DCUN1D3: variants seen among roughly 807,000 people sequenced by gnomAD.
DCUN1D3 encodes DCN1-like protein 3.
A neutral mutation model predicts 24.8 loss-of-function variants in DCUN1D3; 6 were observed. The observed-to-expected ratio is 0.24, with a 90% confidence interval of 0.13 to 0.48. The LOEUF (loss-of-function observed/expected upper bound fraction) is 0.48, where lower values mean the gene tolerates loss of function less well. DCUN1D3 is among the 20% of genes least tolerant of loss of function. DCUN1D3 has a pLI of 0.99. For synonymous variants in DCUN1D3, 120 were observed against 144.9 expected, an observed-to-expected ratio of 0.83 and a Z score of 1.24; for missense variants, 258 against 379.4, an observed-to-expected ratio of 0.68 and a Z score of 2.66.
intron 1 of DCUN1D3, among the ~76,000 whole-genome samples, chr16:20,882,750 G>A (rs2081850730): frequency 6.6e-6 from 1 of 152,212 alleles, no homozygotes; most frequent in Non-Finnish European, 1.5e-5. Flanking sequence ...CAATCCTAGA[G>A]TCAGTCTTTC....
At chr16:20,889,772 A>G (rs775687563) in intron 1 of DCUN1D3, among the ~76,000 whole-genome samples, 1 of 152,204 alleles carries the variant, frequency 6.6e-6, no homozygotes, top group Non-Finnish European at 1.5e-5. Context: ...TCTGGACCAC[A>G]TGCCAGAGTT....
At chr16:20,880,622 AAAAAAAACAG>A in intron 1 of DCUN1D3, among the ~76,000 whole-genome samples, 1 of 146,544 alleles carries the variant, frequency 6.8e-6, no homozygotes, top group African/African-American at 2.7e-5. Context: ...AAAAAAAAAA[AAAAAAAACAG>A]AAAAAAGAAA....
chr16:20,875,693 G>C (rs2081811353), intron 1 of DCUN1D3, among the ~76,000 whole-genome samples: 1 of 152,164 alleles, frequency 6.6e-6, no homozygotes, highest in African/African-American at 2.4e-5. Context: ...AAACACTGGG[G>C]AAATGATCTA....
chr16:20,878,084 G>A (rs1184321450), intron 1 of DCUN1D3, among the ~76,000 whole-genome samples: 1 of 152,172 alleles, frequency 6.6e-6, no homozygotes, highest in Non-Finnish European at 1.5e-5. Context: ...TTATGGGTGT[G>A]AGCACTGGGC....
In DCUN1D3 at chr16:20,857,547, T is replaced by G. The variant is rs2081708153; in HGVS notation, c.*2339A>C. On this transcript the variant is annotated 3_prime_UTR_variant, in exon 3 of 3. Coordinates refer to ENST00000324344, the MANE Select transcript of DCUN1D3 (RefSeq NM_173475.4). ...AAGAGCAGCCTGGCTTTTCCCTCAG[T>G]CAACCACTACCCAATCCAGAACCGG... The G allele has an allele frequency of 2.0e-5, 3 of 152,230 alleles. No homozygotes were observed. In the South Asian group the frequency reaches 6.2e-4, roughly 31 times the overall value. The allele number at this position is 152,230 out of a possible 1,614,324, so 9.4% of individuals were successfully genotyped here.
intron 1 of DCUN1D3, among the ~76,000 whole-genome samples, chr16:20,867,091 G>A (rs1158042028): frequency 1.3e-5 from 2 of 152,102 alleles, no homozygotes; most frequent in Non-Finnish European, 2.9e-5. Context: ...GCACTTTTGG[G>A]GACATGAACT....
chr16:20,874,903 C>G (rs182343044), intron 1 of DCUN1D3, among the ~76,000 whole-genome samples: 3 of 151,770 alleles, frequency 2.0e-5, no homozygotes, highest in African/African-American at 7.3e-5. Flanking sequence ...CAAAGATAAG[C>G]AGGTAATTAA....
Position 20,862,021 on chromosome 16 carries a change from C to G in DCUN1D3, c.431+87G>C, listed in dbSNP as rs573092923. The G allele has an allele frequency of 2.8e-6, 4 of 1,446,988 alleles. No homozygotes were observed. The East Asian group carries it at 9.1e-5, about 33-fold the overall frequency. The allele number at this position is 1,446,988 out of a possible 1,614,324, so 89.6% of individuals were successfully genotyped here. A position where few individuals can be genotyped will look rare whatever the true frequency, so the allele number is the denominator to read the frequency against. On this transcript the variant is annotated intron_variant, in intron 2 of 2. Coordinates refer to ENST00000324344, the MANE Select transcript of DCUN1D3 (RefSeq NM_173475.4). Reference sequence around the variant, plus strand: ...TACCCAAAACCCTATGAAGCCAACCCAGTCCTATCCTAGCTGGGCACCACT... The same window carrying G: ...TACCCAAAACCCTATGAAGCCAACCGAGTCCTATCCTAGCTGGGCACCACT...
Position 20,859,778 on chromosome 16 carries a change from G to T in DCUN1D3, c.*108C>A. 1.4e-6 allele frequency: 2 copies of T among 1,408,208 alleles called. No homozygotes were observed. The highest frequency in any genetic ancestry group is 9.5e-7 in the Non-Finnish European group (1 of 1,054,880). 87.2% of individuals were successfully genotyped at this position (1,408,208 alleles called of 1,614,324 possible). A position where few individuals can be genotyped will look rare whatever the true frequency, so the allele number is the denominator to read the frequency against. ...TTTCAGATACAAGGCAGAGAAAGGT[G>T]TAAAGTAGAAAATATCCGGATCTTC... On this transcript the variant is annotated 3_prime_UTR_variant, in exon 3 of 3. Transcript: ENST00000324344.
At chr16:20,879,503 GA>G (rs71149188) in intron 1 of DCUN1D3, among the ~76,000 whole-genome samples, 65,120 of 151,620 alleles carry the variant, frequency 0.43, 16,535 homozygotes, top group Non-Finnish European at 0.59. Flanking sequence ...TTTAACAGGA[GA>G]AAAAAAAATC....
At chr16:20,861,068 T>C (rs1289097173) in intron 2 of DCUN1D3, among the ~76,000 whole-genome samples, 1 of 152,138 alleles carries the variant, frequency 6.6e-6, no homozygotes, top group Admixed American at 6.5e-5. Context: ...GGCCTCACAG[T>C]CAGTTCTTAT....
At chr16:20,867,106 T>G (rs2081766084) in intron 1 of DCUN1D3, among the ~76,000 whole-genome samples, 1 of 152,192 alleles carries the variant, frequency 6.6e-6, no homozygotes, top group Non-Finnish European at 1.5e-5. Flanking sequence ...TGAACTCACA[T>G]ATACTCATCA....
intron 1 of DCUN1D3, among the ~76,000 whole-genome samples, chr16:20,885,923 C>A (rs145763758): frequency 1.3e-5 from 2 of 152,208 alleles, no homozygotes; most frequent in African/African-American, 4.8e-5. Context: ...TTTCTCCCAC[C>A]CCAACAGAAC....
intron 1 of DCUN1D3, among the ~76,000 whole-genome samples, chr16:20,887,735 G>A (rs998903466): frequency 1.3e-5 from 2 of 152,164 alleles, no homozygotes; most frequent in African/African-American, 4.8e-5. Context: ...CTTTATCTGA[G>A]ACTCTGTCAA....
intron 1 of DCUN1D3, among the ~76,000 whole-genome samples, chr16:20,876,009 A>T (rs535382379): frequency 6.6e-6 from 1 of 152,294 alleles, no homozygotes; most frequent in South Asian, 2.1e-4. Flanking sequence ...TCTGTCACCC[A>T]CGCTGGAGTG....
chr16:20,890,931 A>T (rs1222656801), intron 1 of DCUN1D3, among the ~76,000 whole-genome samples: 3 of 148,212 alleles, frequency 2.0e-5, no homozygotes, highest in Admixed American at 6.7e-5. Context: ...TTTTTTTTTT[A>T]AAGAAGAAAG....
rs369879037 is a variant in DCUN1D3 at position 20,883,310 on chromosome 16, A to C, written c.-106+16894T>G. ...GACGGATCACGAGGTCAGGAGATCG[A>C]GACCATCCTGGCTAACACGGTGAAA... On this transcript the variant is annotated intron_variant, in intron 1 of 2. Transcript: ENST00000324344. Among the ~76,000 whole-genome samples the C allele has an allele frequency of 9.1e-4, 139 of 152,254 alleles. 4 individuals are homozygous for C. The South Asian group carries it at 0.028, about 31-fold the overall frequency.
intron 1 of DCUN1D3, among the ~76,000 whole-genome samples, chr16:20,881,464 A>G (rs2081843124): frequency 6.6e-6 from 1 of 152,084 alleles, no homozygotes; most frequent in Non-Finnish European, 1.5e-5. Context: ...GATTTGCACT[A>G]TTTGTTTTCT....
chr16:20,884,447 T>A (rs944953109), intron 1 of DCUN1D3, among the ~76,000 whole-genome samples: 2 of 152,178 alleles, frequency 1.3e-5, no homozygotes, highest in African/African-American at 4.8e-5. Flanking sequence ...AACCATTGCC[T>A]ACACATAATG....
Sources: allele counts gnomAD v4.1 joint callset (sites outside exome capture counted in the v4.1 genomes callset), GRCh38; gene constraint gnomAD v4.1.1; transcripts MANE v1.5; gene names NCBI Gene and HGNC (gene_info 2026-07-23, HGNC 2026-07-21).